The following NFASC variants were observed in gnomAD, a reference collection of about 807,000 sequenced individuals.
NFASC encodes the protein neurofascin.
NFASC carries 43 observed loss-of-function variants against 147.5 expected under a neutral mutation model. The observed-to-expected ratio is 0.29, with a 90% CI of 0.23 to 0.38. The LOEUF is 0.38. Ranked by LOEUF, NFASC falls within the 10% of genes least tolerant of loss-of-function variation. NFASC has a pLI of 1.00. For synonymous variants in NFASC, 622 were observed against 665.5 expected (o/e 0.93, Z 1.01); for missense variants, 1,320 against 1,689.0 (o/e 0.78, Z 3.83).
At chr1:204,922,882 C>T (rs940280443) in intron 2 of NFASC, among the ~76,000 whole-genome samples, 8 of 152,168 alleles carry the variant, frequency 5.3e-5, no homozygotes, top group Admixed American at 4.6e-4. Flanking sequence ...TGATGATAAT[C>T]GTCATCATTA....
intron 1 of NFASC, among the ~76,000 whole-genome samples, chr1:204,910,997 A>G (rs983899450): frequency 1.3e-5 from 2 of 152,192 alleles, no homozygotes; most frequent in Admixed American, 1.3e-4. Context: ...GAAAGCAGAT[A>G]TCCTTGCCTT....
Position 204,986,172 on chromosome 1 carries a change from G to A in NFASC, c.2471-1246G>A. On this transcript the variant is annotated intron_variant, in intron 21 of 29. Transcript: ENST00000339876. The surrounding 1 kb of genome is among the most constrained non-coding windows in gnomAD (Gnocchi z 4.2). ...CAGGAGAAGGGTGGCACACACCTTG[G>A]GCCTGGAGAAACTCCAGCGTGGCTC... is the stretch of plus-strand genomic sequence containing the variant. 7.4e-7 allele frequency: 1 copy of A among 1,352,158 alleles called. No homozygotes were observed. The highest frequency in any genetic ancestry group is 1.7e-5 in the Admixed American group (1 of 58,394). The allele number at this position is 1,352,158 out of a possible 1,614,324, so 83.8% of individuals were successfully genotyped here. A position where few individuals can be genotyped will look rare whatever the true frequency, so the allele number is the denominator to read the frequency against.
intron 1 of NFASC, among the ~76,000 whole-genome samples, chr1:204,855,714 C>G (rs1024244961): frequency 2.0e-5 from 3 of 152,138 alleles, no homozygotes; most frequent in African/African-American, 7.2e-5. Flanking sequence ...TGGACCTCAC[C>G]CTCCAACCCT....
chr1:204,947,364 C>G (rs565324787), intron 3 of NFASC, among the ~76,000 whole-genome samples: 118 of 152,304 alleles, frequency 7.7e-4, no homozygotes, highest in Non-Finnish European at 1.5e-3. Context: ...CTCCATCCAG[C>G]CCTGGGCTGA....
At chr1:205,006,841 A>G (rs59710713) in intron 27 of NFASC, among the ~76,000 whole-genome samples, 3,207 of 152,256 alleles carry the variant, frequency 0.021, 69 homozygotes, top group Middle Eastern at 0.18. Flanking sequence ...TGCAGGTTGA[A>G]TTTCAAGCGC....
In NFASC at chr1:205,003,373, TA is replaced by T. The variant is rs1159467384; in HGVS notation, c.3289+626del. Among the ~76,000 whole-genome samples, 3 of 152,360 alleles carry T rather than the reference TA, an allele frequency of 2.0e-5. No homozygotes were observed. In the East Asian group the frequency reaches 5.8e-4, roughly 29 times the overall value. On this transcript the variant is annotated intron_variant, in intron 27 of 29. Transcript: ENST00000339876. ...TCCAGAACCGGAAAGGTTCTGGCTC[TA>T]TAGCGGCTTTAGCTGTGGATGAAGA...
intron 1 of NFASC, among the ~76,000 whole-genome samples, chr1:204,862,435 T>A (rs2076756903): frequency 6.6e-6 from 1 of 152,232 alleles, no homozygotes; most frequent in African/African-American, 2.4e-5. Context: ...ATGTATAAAT[T>A]CTGGTGTGTT....
chr1:204,952,405 T>G (rs2094174880), intron 5 of NFASC, among the ~76,000 whole-genome samples: 1 of 152,196 alleles, frequency 6.6e-6, no homozygotes, highest in Admixed American at 6.5e-5. Flanking sequence ...TCCCATCATC[T>G]GCCCCACGTT....
In NFASC at chr1:204,970,789, G is replaced by C. The variant is rs6666095; in HGVS notation, c.1135+42G>C. The C allele has an allele frequency of 0.015, 24,594 of 1,612,718 alleles. 1,230 individuals are homozygous for C. The African/African-American group carries it at 0.17, about 11-fold the overall frequency. On this transcript the variant is annotated intron_variant, in intron 11 of 29. Coordinates refer to ENST00000339876, the MANE Select transcript of NFASC (RefSeq NM_001005388.3). Reference sequence around the variant, plus strand: ...TGTCCCATCTGACTCTCATCTCTCTGCTGTCAAAGGCTTCAGATCCCCATC... The same window carrying C: ...TGTCCCATCTGACTCTCATCTCTCTCCTGTCAAAGGCTTCAGATCCCCATC...
chr1:204,897,057 C>G lies in NFASC; in HGVS notation c.-199-23575C>G, dbSNP rs867670420. Among the ~76,000 whole-genome samples the G allele has an allele frequency of 3.3e-5, 5 of 152,040 alleles. No homozygotes were observed. The East Asian group carries it at 9.7e-4, about 29-fold the overall frequency. On this transcript the variant is annotated intron_variant, in intron 1 of 29. Coordinates refer to ENST00000339876, the MANE Select transcript of NFASC (RefSeq NM_001005388.3). ...GAAATACTGACTGTAGGTTCCCCCC[C>G]TTCCCCCCGACCCAGACATGCTGAT...
chr1:204,902,971 G>A (rs1415114407), intron 1 of NFASC, among the ~76,000 whole-genome samples: 1 of 152,168 alleles, frequency 6.6e-6, no homozygotes, highest in Non-Finnish European at 1.5e-5. Context: ...GTAGGTGGAA[G>A]GTTAGATTCG....
At chr1:204,892,025 G>A (rs1272045483) in intron 1 of NFASC, among the ~76,000 whole-genome samples, 1 of 152,204 alleles carries the variant, frequency 6.6e-6, no homozygotes, top group Admixed American at 6.5e-5. Context: ...TGAGCATCAG[G>A]AATGTGCCTT....
chr1:204,972,091 C>T (rs989427933), intron 11 of NFASC, among the ~76,000 whole-genome samples: 6 of 152,184 alleles, frequency 3.9e-5, no homozygotes, highest in Non-Finnish European at 8.8e-5. Context: ...GGGACCCGGG[C>T]GTGGATGATA....
chr1:204,906,991 T>C (rs1414600729), intron 1 of NFASC, among the ~76,000 whole-genome samples: 1 of 152,226 alleles, frequency 6.6e-6, no homozygotes, highest in Non-Finnish European at 1.5e-5. Context: ...GAAGTAGGAA[T>C]CCCAGGTCAT....
intron 24 of NFASC, among the ~76,000 whole-genome samples, chr1:204,995,726 C>T (rs2095834188): frequency 6.6e-6 from 1 of 151,974 alleles, no homozygotes; most frequent in African/African-American, 2.4e-5. Flanking sequence ...TTTTGGAGAC[C>T]CAAGGGAATG....
chr1:204,967,023 C>T (rs1030514680), intron 8 of NFASC, among the ~76,000 whole-genome samples: 3 of 152,140 alleles, frequency 2.0e-5, no homozygotes, highest in Non-Finnish European at 4.4e-5. Flanking sequence ...CGCACTCTCT[C>T]CTCACGCTAC....
intron 21 of NFASC, chr1:204,984,192 G>A: frequency 7.9e-7 from 1 of 1,272,222 alleles, no homozygotes; most frequent in Non-Finnish European, 1.2e-6. Flanking sequence ...CACTAACCAG[G>A]GCCAGGGGTA....
Position 204,970,682 on chromosome 1 carries a change from T to C in NFASC, c.1070T>C (p.Val357Ala). 3 of 1,614,134 alleles carry C rather than the reference T, an allele frequency of 1.9e-6. No homozygotes were observed. The highest frequency in any genetic ancestry group is 2.5e-6 in the Non-Finnish European group (3 of 1,180,024). Reference protein sequence around the residue: ...ILAPGEDGRLVCRANGNPKPT... With the variant: ...ILAPGEDGRLACRANGNPKPT... ...GCTCCTGGCGAGGATGGGAGACTGG[T>C]GTGTCGAGCCAATGGAAACCCCAAA... is the stretch of plus-strand genomic sequence containing the variant. The change falls in exon 11 of 30, where the codon GTG becomes GCG. Residue 357 changes from valine to alanine, a missense_variant. Val to Ala is a moderately conservative substitution (Grantham distance 64, BLOSUM62 0). This residue lies in a region of NFASC where 981 missense variants were observed against 1,289.5 expected (regional missense o/e 0.76). Transcript: ENST00000339876.
At chr1:204,854,643 G>A (rs937601142) in intron 1 of NFASC, among the ~76,000 whole-genome samples, 2 of 152,190 alleles carry the variant, frequency 1.3e-5, no homozygotes, top group Non-Finnish European at 2.9e-5. Flanking sequence ...TCATCTCTGG[G>A]ACACAAAGCA....
Sources: gnomAD v4.1 joint callset for allele counts (sites outside exome capture counted in the v4.1 genomes callset) on GRCh38, gnomAD v4.1.1 for gene constraint, gnomAD v4.1.1 regional missense constraint, Gnocchi (gnomAD v3.1) non-coding constraint, MANE v1.5 for transcripts, NCBI Gene and HGNC (gene_info 2026-07-23, HGNC 2026-07-21) for gene names.